The following PDE7B variants were observed in gnomAD, a reference collection of about 807,000 sequenced individuals.
The protein encoded by PDE7B is phosphodiesterase 7B, also known as 3',5'-cyclic-AMP phosphodiesterase 7B.
In PDE7B, 29 loss-of-function variants were observed where a neutral mutation model predicts 56.2. The ratio of observed to expected loss-of-function variants is 0.52; its 90% CI spans 0.38 to 0.70. PDE7B has a LOEUF of 0.70. PDE7B is among the 30% of genes least tolerant of loss of function. The pLI is 0.00. For missense variants in PDE7B, 490 were observed against 565.0 expected, an observed-to-expected ratio of 0.87 and a Z score of 1.35; for synonymous variants, 197 against 196.9, an observed-to-expected ratio of 1.00 and a Z score of 0.00.
At position 135,878,577 on chromosome 6, in the gene PDE7B, G is replaced by A. The variant is rs7747218; in HGVS notation, c.21+26558G>A. Among the ~76,000 whole-genome samples the A allele has an allele frequency of 3.3e-5, 5 of 152,046 alleles. No homozygotes were observed. In the South Asian group the frequency reaches 8.3e-4, roughly 25 times the overall value. ...CATTATTTTACCTATTCTTTCATAC[G>A]TATGCTTGTATATCTTTGGTATAAA... On this transcript the variant is annotated intron_variant, in intron 1 of 12. Coordinates refer to ENST00000308191, the MANE Select transcript of PDE7B (RefSeq NM_018945.4).
intron 3 of PDE7B, among the ~76,000 whole-genome samples, chr6:136,140,059 G>A (rs890540334): frequency 7.2e-5 from 11 of 152,124 alleles, no homozygotes; most frequent in Middle Eastern, 3.2e-3. Flanking sequence ...CCTATGTCCT[G>A]AATGGTAATG....
chr6:136,036,245 A>AG (rs1776324330), intron 2 of PDE7B, among the ~76,000 whole-genome samples: 1 of 152,272 alleles, frequency 6.6e-6, no homozygotes, highest in Non-Finnish European at 1.5e-5. Flanking sequence ...CTTATCAGAG[A>AG]GGGAAAAAGG....
intron 1 of PDE7B, among the ~76,000 whole-genome samples, chr6:135,866,563 A>C (rs1258090101): frequency 6.6e-6 from 1 of 152,178 alleles, no homozygotes; most frequent in Non-Finnish European, 1.5e-5. Context: ...GCCTTTCATC[A>C]GTAGCTCACA....
At chr6:135,911,452 C>T (rs1177043158) in intron 1 of PDE7B, among the ~76,000 whole-genome samples, 1 of 152,176 alleles carries the variant, frequency 6.6e-6, no homozygotes, top group Non-Finnish European at 1.5e-5. Flanking sequence ...AATAGTTTGT[C>T]CATCTTTGAA....
chr6:135,962,229 A>G (rs1046662114), intron 2 of PDE7B, among the ~76,000 whole-genome samples: 15 of 152,192 alleles, frequency 9.9e-5, no homozygotes, highest in Non-Finnish European at 2.1e-4. Flanking sequence ...ATGAAATCAT[A>G]TAGCCTAACA....
At chr6:136,125,865 CT>C (rs2128443952) in intron 3 of PDE7B, among the ~76,000 whole-genome samples, 1 of 152,196 alleles carries the variant, frequency 6.6e-6, no homozygotes, top group Non-Finnish European at 1.5e-5. Context: ...ACTTCTAACC[CT>C]CTCAGACCCA....
chr6:136,021,197 G>T (rs1467445732), intron 2 of PDE7B, among the ~76,000 whole-genome samples: 7 of 152,116 alleles, frequency 4.6e-5, no homozygotes, highest in African/African-American at 1.4e-4. Context: ...CATCAACTTA[G>T]GTATCTCATC....
At chr6:135,865,645 G>A (rs1775242045) in intron 1 of PDE7B, among the ~76,000 whole-genome samples, 1 of 150,346 alleles carries the variant, frequency 6.7e-6, no homozygotes, top group Admixed American at 6.6e-5. Context: ...GTGTGTGTGT[G>A]TGTGTATGTG....
At chr6:135,995,483 C>T (rs1050881972) in intron 2 of PDE7B, among the ~76,000 whole-genome samples, 2 of 152,164 alleles carry the variant, frequency 1.3e-5, no homozygotes, top group Non-Finnish European at 2.9e-5. Flanking sequence ...CCAGTGAAGA[C>T]ACTGATGAGT....
intron 1 of PDE7B, among the ~76,000 whole-genome samples, chr6:135,857,628 G>A (rs1775061276): frequency 6.6e-6 from 1 of 152,056 alleles, no homozygotes; most frequent in Admixed American, 6.5e-5. Context: ...GCAAATCTTT[G>A]TCTAAGAACA....
At chr6:136,076,899 G>C (rs1777135484) in intron 2 of PDE7B, among the ~76,000 whole-genome samples, 1 of 151,998 alleles carries the variant, frequency 6.6e-6, no homozygotes, top group African/African-American at 2.4e-5. Flanking sequence ...TGGTCACCCA[G>C]GGAAAAAAAC....
chr6:136,191,482 C>T, intron 12 of PDE7B, 132 bp from the exon 13 acceptor site: 1 of 752,346 alleles, frequency 1.3e-6, no homozygotes. Flanking sequence ...ACCTGGCCAA[C>T]ATGGGGAAAC....
intron 1 of PDE7B, among the ~76,000 whole-genome samples, chr6:135,863,389 T>C (rs998157838): frequency 1.3e-5 from 2 of 152,080 alleles, no homozygotes; most frequent in African/African-American, 4.8e-5. Context: ...ATTTTGATAC[T>C]GTGCTGTTAT....
At chr6:136,005,270 T>A (rs2128206520) in intron 2 of PDE7B, among the ~76,000 whole-genome samples, 1 of 152,232 alleles carries the variant, frequency 6.6e-6, no homozygotes, top group African/African-American at 2.4e-5. Context: ...AACCTAGGCA[T>A]TACCATTCAG....
At position 136,147,398 on chromosome 6, in the gene PDE7B, C is replaced by T. The variant is rs768082429; in HGVS notation, c.214C>T (p.Leu72=). The part of the protein sequence containing the change: ...EIGTKKKVKR[L]LSFQRYFHAS... ...TGGCACCAAGAAAAAGGTGAAAAGA[C>T]TATTAAGCTTTCAAAGATACTTCCA... The change falls in exon 4 of 13, where the codon CTA becomes TTA. Residue 72 remains leucine (L), a synonymous_variant. Coordinates refer to ENST00000308191, the MANE Select transcript of PDE7B (RefSeq NM_018945.4). 1.9e-6 allele frequency: 3 copies of T among 1,612,704 alleles called. No individual in the cohort carries two copies. The highest frequency in any genetic ancestry group is 2.5e-6 in the Non-Finnish European group (3 of 1,178,874).
intron 2 of PDE7B, among the ~76,000 whole-genome samples, chr6:135,951,881 T>C (rs571166070): frequency 1.3e-5 from 2 of 152,260 alleles, no homozygotes; most frequent in African/African-American, 2.4e-5. Context: ...AGTTTTCTGG[T>C]TGAAAATTAT....
At chr6:136,057,771 C>T (rs1298592358) in intron 2 of PDE7B, among the ~76,000 whole-genome samples, 1 of 152,090 alleles carries the variant, frequency 6.6e-6, no homozygotes, top group Non-Finnish European at 1.5e-5. Flanking sequence ...GAGTCTTGTT[C>T]TGTCACCCAG....
intron 2 of PDE7B, among the ~76,000 whole-genome samples, chr6:136,050,210 T>C (rs747543962): frequency 7.2e-5 from 11 of 152,210 alleles, no homozygotes; most frequent in Non-Finnish European, 1.3e-4. Context: ...GTGATGGCAC[T>C]ATATAAGTGT....
At chr6:135,871,180 A>G (rs1324873596) in intron 1 of PDE7B, among the ~76,000 whole-genome samples, 2 of 152,206 alleles carry the variant, frequency 1.3e-5, no homozygotes, top group African/African-American at 4.8e-5. Flanking sequence ...GTGGCCCCTA[A>G]TGATAGATCA....
Sources: gnomAD v4.1 joint callset for allele counts (sites outside exome capture counted in the v4.1 genomes callset) on GRCh38, gnomAD v4.1.1 for gene constraint, MANE v1.5 for transcripts, NCBI Gene and HGNC (gene_info 2026-07-23, HGNC 2026-07-21) for gene names.